The following CDH12 variants were observed in gnomAD, a reference collection of about 807,000 sequenced individuals.
CDH12 encodes cadherin-12.
Under a neutral mutation model 74.1 loss-of-function variants are expected in CDH12, and 41 were observed. The ratio of observed to expected loss-of-function variants is 0.55; its 90% confidence interval spans 0.43 to 0.72. The LOEUF is 0.72. Ranked by LOEUF, CDH12 falls within the 30% of genes least tolerant of loss-of-function variation. The probability of loss-of-function intolerance (pLI) is 0.00; values close to 1 mark genes in which losing one functional copy is unlikely to be tolerated. For synonymous variants in CDH12, 399 were observed against 355.0 expected (o/e 1.12, Z -1.39); for missense variants, 945 against 977.2 (o/e 0.97, Z 0.44).
intron 9 of CDH12, among the ~76,000 whole-genome samples, chr5:21,814,658 A>C (rs1747943545): frequency 6.6e-6 from 1 of 150,624 alleles, no homozygotes; most frequent in African/African-American, 2.4e-5. Flanking sequence ...AATATAAATA[A>C]GTATATAAAC....
chr5:22,003,407 T>G (rs1355626733), intron 5 of CDH12, among the ~76,000 whole-genome samples: 2 of 151,832 alleles, frequency 1.3e-5, no homozygotes, highest in Non-Finnish European at 1.5e-5. Flanking sequence ...ATACTCAAAG[T>G]AAATATTACA....
chr5:22,808,517 T>C (rs972815687), intron 1 of CDH12, among the ~76,000 whole-genome samples: 4 of 152,036 alleles, frequency 2.6e-5, no homozygotes, highest in African/African-American at 9.7e-5. Context: ...TTACATTTTA[T>C]GGAACTAGGA....
At chr5:22,593,773 A>G (rs1053101295) in intron 1 of CDH12, among the ~76,000 whole-genome samples, 41 of 152,204 alleles carry the variant, frequency 2.7e-4, no homozygotes, top group African/African-American at 9.6e-4. Flanking sequence ...CAGATAATAT[A>G]TGCAGGTATT....
intron 3 of CDH12, among the ~76,000 whole-genome samples, chr5:22,298,337 AAC>A (rs899648516): frequency 2.0e-5 from 3 of 151,648 alleles, no homozygotes; most frequent in South Asian, 2.1e-4. Context: ...GGTATGTTTA[AAC>A]ACACACACAC....
intron 1 of CDH12, among the ~76,000 whole-genome samples, chr5:22,799,606 T>C (rs955055438): frequency 1.3e-5 from 2 of 152,188 alleles, no homozygotes; most frequent in East Asian, 1.9e-4. Context: ...TAAAAATACG[T>C]GTGCTCTTTA....
intron 5 of CDH12, among the ~76,000 whole-genome samples, chr5:22,071,299 C>T (rs1311122378): frequency 6.6e-6 from 1 of 152,008 alleles, no homozygotes; most frequent in Non-Finnish European, 1.5e-5. Context: ...ATCAACAGGG[C>T]ATTCCTCAGT....
intron 3 of CDH12, among the ~76,000 whole-genome samples, chr5:22,396,446 C>T (rs771890068): frequency 1.8e-4 from 28 of 152,034 alleles, no homozygotes; most frequent in Non-Finnish European, 3.1e-4. Flanking sequence ...GAGTCCAGCT[C>T]AATTCTGTCT....
At chr5:22,246,009 A>G (rs1427467402) in intron 3 of CDH12, among the ~76,000 whole-genome samples, 1 of 152,186 alleles carries the variant, frequency 6.6e-6, no homozygotes, top group Non-Finnish European at 1.5e-5. Context: ...AAGTGGTGGC[A>G]TTATAATAGT....
intron 3 of CDH12, among the ~76,000 whole-genome samples, chr5:22,382,478 T>C (rs1435146537): frequency 2.0e-5 from 3 of 151,816 alleles, no homozygotes; most frequent in Admixed American, 2.0e-4. Flanking sequence ...TGAGGCTTCC[T>C]AGCTTTCTTC....
chr5:21,871,505 G>A (rs1415844870), intron 6 of CDH12, among the ~76,000 whole-genome samples: 1 of 152,106 alleles, frequency 6.6e-6, no homozygotes, highest in Admixed American at 6.6e-5. Context: ...GGCCGAGGCG[G>A]GTGGATCACT....
chr5:22,713,317 AT>A (rs562648929), intron 1 of CDH12, among the ~76,000 whole-genome samples: 51 of 151,080 alleles, frequency 3.4e-4, no homozygotes, highest in Non-Finnish European at 6.2e-4. Context: ...ATTTTTTTGT[AT>A]TTTTAGTAGA....
chr5:22,456,045 G>A (rs1745251611), intron 2 of CDH12, among the ~76,000 whole-genome samples: 1 of 151,696 alleles, frequency 6.6e-6, no homozygotes, highest in Non-Finnish European at 1.5e-5. Context: ...CCAGTGAATA[G>A]TGAGCAAATT....
chr5:21,820,087 G>T (rs1284222568), intron 8 of CDH12, among the ~76,000 whole-genome samples: 1 of 151,724 alleles, frequency 6.6e-6, no homozygotes, highest in East Asian at 1.9e-4. Context: ...CCTCCAATAT[G>T]GGGGAAAAAA....
chr5:22,334,828 A>G lies in CDH12; in HGVS notation c.-333+70429T>C, dbSNP rs112714147. On this transcript the variant is annotated intron_variant, in intron 3 of 14. Transcript: ENST00000382254. ...AAGAAAGAAACTAGACCCTTCTCTC[A>G]CCATATACAAAAACAAGTCAAAATG... 4.6e-3 allele frequency among the ~76,000 whole-genome samples: 695 copies of G among 152,314 alleles called. 4 individuals carry two copies. The highest frequency in any genetic ancestry group is 0.01 in the Admixed American group (153 of 15,292).
At chr5:22,557,876 T>C (rs980090392) in intron 1 of CDH12, among the ~76,000 whole-genome samples, 1 of 152,106 alleles carries the variant, frequency 6.6e-6, no homozygotes, top group Non-Finnish European at 1.5e-5. Flanking sequence ...TGGTAACAAC[T>C]TGTGAATGTG....
intron 11 of CDH12, among the ~76,000 whole-genome samples, chr5:21,767,648 A>G (rs1039965541): frequency 6.6e-6 from 1 of 151,716 alleles, no homozygotes; most frequent in South Asian, 2.1e-4. Flanking sequence ...GCAATACAAA[A>G]TAAGTGTTCA....
intron 1 of CDH12, among the ~76,000 whole-genome samples, chr5:22,809,035 C>T (rs1466221009): frequency 6.6e-6 from 1 of 150,584 alleles, no homozygotes. Flanking sequence ...TATAAAAGAC[C>T]AGAAATGCCT....
At chr5:21,916,721 G>A (rs190016816) in intron 6 of CDH12, among the ~76,000 whole-genome samples, 4 of 152,096 alleles carry the variant, frequency 2.6e-5, no homozygotes, top group Admixed American at 6.5e-5. Flanking sequence ...TTTGACGGGA[G>A]CATATAATCG....
intron 3 of CDH12, among the ~76,000 whole-genome samples, chr5:22,227,139 A>G (rs554250126): frequency 6.6e-6 from 1 of 152,258 alleles, no homozygotes; most frequent in South Asian, 2.1e-4. Context: ...GATAATATAG[A>G]AAGACTTCCT....
Sources: gnomAD v4.1 joint callset for allele counts (sites outside exome capture counted in the v4.1 genomes callset) on GRCh38, gnomAD v4.1.1 for gene constraint, MANE v1.5 for transcripts, NCBI Gene and HGNC (gene_info 2026-07-23, HGNC 2026-07-21) for gene names.